Variants in HHLA1 observed in about 807,000 individuals in gnomAD.
HHLA1 encodes HHLA1 neighbor of OC90.
A neutral mutation model predicts 69.9 loss-of-function variants in HHLA1; 72 were observed. The observed-to-expected ratio is 1.03, with a 90% confidence interval of 0.85 to 1.25. The LOEUF is 1.25. Among genes scored for constraint, HHLA1 ranks in the 50% most tolerant of loss-of-function variants. The probability of loss-of-function intolerance (pLI) is 0.00; values close to 1 mark genes in which losing one functional copy is unlikely to be tolerated. For synonymous variants in HHLA1, 252 were observed against 233.2 expected (o/e 1.08, Z -0.73); for missense variants, 685 against 642.2 (o/e 1.07, Z -0.72).
chr8:132,105,242 A>G lies in HHLA1; in HGVS notation c.24T>C (p.Gly8=), dbSNP rs879199223. 6.4e-7 allele frequency: 1 copy of G among 1,552,184 alleles called. No individual in the cohort carries two copies. Among genetic ancestry groups the G allele is most frequent in the South Asian group, 1.2e-5 (1 of 84,050 alleles). Residue 8 remains glycine, a synonymous_variant, in exon 2 of 17, where the codon GGT becomes GGC. Coordinates refer to ENST00000414222, the MANE Select transcript of HHLA1 (RefSeq NM_001145095.3). Reference sequence around the variant, plus strand: ...GGCCCATGCACAGCTTCATTGAAGGACCACGTGACAGGAAGCCCAGCATGC... The same window carrying G: ...GGCCCATGCACAGCTTCATTGAAGGGCCACGTGACAGGAAGCCCAGCATGC... MLGFLSR[G]PSMKLCMGLA...
intron 10 of HHLA1, chr8:132,081,028 T>C (rs1334247726): frequency 6.6e-6 from 1 of 152,078 alleles, no homozygotes; most frequent in Non-Finnish European, 1.5e-5. Flanking sequence ...ACCTAGGACA[T>C]CTAATTAGAG....
intron 5 of HHLA1, 121 bp from the exon 6 acceptor site, chr8:132,095,907 G>A (rs376053607): frequency 1.4e-5 from 8 of 583,348 alleles, no homozygotes; most frequent in African/African-American, 7.5e-5. Context: ...TGAAAATAAA[G>A]AAACAAACAA....
At chr8:132,097,283 A>T (rs985443260) in intron 5 of HHLA1, among the ~76,000 whole-genome samples, 33 of 152,248 alleles carry the variant, frequency 2.2e-4, no homozygotes, top group Admixed American at 2.2e-3. Flanking sequence ...GATCAGCTGG[A>T]TCAGAATCTC....
intron 14 of HHLA1, among the ~76,000 whole-genome samples, chr8:132,073,987 C>A (rs570108734): frequency 4.3e-4 from 65 of 152,314 alleles, no homozygotes; most frequent in African/African-American, 1.0e-3. Context: ...GTCAGAGGAA[C>A]CTTTCTGCAA....
intron 3 of HHLA1, among the ~76,000 whole-genome samples, chr8:132,100,685 A>G (rs1824098169): frequency 6.6e-6 from 1 of 152,234 alleles, no homozygotes; most frequent in South Asian, 2.1e-4. Context: ...GTAAAGGGGA[A>G]TGAACCCGGT....
At chr8:132,087,785 T>C (rs910018906) in intron 9 of HHLA1, 46 bp from the exon 10 acceptor site, 15 of 1,543,198 alleles carry the variant, frequency 9.7e-6, no homozygotes, top group Non-Finnish European at 1.3e-5. Context: ...TTTCATCTGC[T>C]GGACAGTTTT....
rs112756397 is a variant in HHLA1 at position 132,074,013 on chromosome 8, A to G, written c.1315+2042T>C. On this transcript the variant is annotated intron_variant, in intron 14 of 16. Transcript: ENST00000414222. The stretch of plus-strand genomic sequence containing the variant: ...CTTTCTGCAACACAAATCTGATCAC[A>G]TTACTCCCACTTGCCTCAGAAGTCT... 2.7e-3 allele frequency among the ~76,000 whole-genome samples: 416 copies of G among 152,096 alleles called. 4 individuals are homozygous for G. The highest frequency in any genetic ancestry group is 9.6e-3 in the African/African-American group (398 of 41,514).
chr8:132,089,386 A>T (rs1364270890), intron 8 of HHLA1, 130 bp downstream of exon 8: 13 of 681,130 alleles, frequency 1.9e-5, no homozygotes, highest in Middle Eastern at 4.7e-4. Context: ...ATCTAAATAA[A>T]GATTACATGA....
intron 16 of HHLA1, among the ~76,000 whole-genome samples, chr8:132,065,643 G>A (rs1023918188): frequency 1.3e-5 from 2 of 152,180 alleles, no homozygotes; most frequent in Non-Finnish European, 2.9e-5. Flanking sequence ...CTGAGTTCAC[G>A]CAGAGAGCAA....
At position 132,061,605 on chromosome 8, in the gene HHLA1, A is replaced by G. The variant is rs1823353311; in HGVS notation, c.*2390T>C. On this transcript the variant is annotated 3_prime_UTR_variant, in exon 17 of 17. Coordinates refer to ENST00000414222, the MANE Select transcript of HHLA1 (RefSeq NM_001145095.3). ...ATCTGCTAACCACTGGTGGCCACATACATACACACTAATTAGTAGGAGTTC... is the reference window on the plus strand; with the variant it reads ...ATCTGCTAACCACTGGTGGCCACATGCATACACACTAATTAGTAGGAGTTC... The G allele has an allele frequency of 6.6e-6, 1 of 152,242 alleles. No homozygotes were observed. The highest frequency in any genetic ancestry group is 1.5e-5 in the Non-Finnish European group (1 of 68,098). 9.4% of individuals were successfully genotyped at this position (152,242 alleles called of 1,614,324 possible).
chr8:132,072,385 T>C (rs1467895257), intron 14 of HHLA1, among the ~76,000 whole-genome samples: 2 of 152,070 alleles, frequency 1.3e-5, no homozygotes, highest in Non-Finnish European at 2.9e-5. Context: ...ATATTGCATA[T>C]TGAAAAGTTG....
At chr8:132,106,953 G>C (rs1206600317) in intron 1 of HHLA1, among the ~76,000 whole-genome samples, 1 of 152,118 alleles carries the variant, frequency 6.6e-6, no homozygotes, top group East Asian at 1.9e-4. Context: ...TGTGTAGAAT[G>C]GACAGAGTCA....
intron 15 of HHLA1, chr8:132,069,526 A>C (rs1823495481): frequency 6.6e-6 from 1 of 152,214 alleles, no homozygotes. Flanking sequence ...GAACAAGCCC[A>C]AGCAAACAGG....
At position 132,071,365 on chromosome 8, in the gene HHLA1, T is replaced by C; in HGVS notation, c.1444A>G (p.Arg482Gly). Residue 482 changes from arginine (R) to glycine (G), a missense_variant, in exon 15 of 17, where the codon AGG becomes GGG. Physicochemically the swap from Arg to Gly is moderately radical, Grantham distance 125. Transcript: ENST00000414222. ...CTCATGTCCTCTGTCCTGGGACTCC[T>C]CTGGCTCATGCAGAGGCATTGCTGG... ...FFQQCLCMSQRSPRTEDMRYC... is the reference protein window; with the variant it reads ...FFQQCLCMSQGSPRTEDMRYC... 6.4e-7 allele frequency: 1 copy of C among 1,551,692 alleles called. No homozygotes were observed. The highest frequency in any genetic ancestry group is 8.7e-7 in the Non-Finnish European group (1 of 1,146,954).
chr8:132,098,933 C>G lies in HHLA1; in HGVS notation c.229G>C (p.Ala77Pro). ...ELPARSIDLS[A>P]LNLTELVNGM... The stretch of plus-strand genomic sequence containing the variant: ...TTCACAAGCTCTGTCAGGTTAAGCG[C>G]GGACAGATCGATTGACCTTGCGGGC... Residue 77 changes from alanine to proline, a missense_variant, in exon 5 of 17, where the codon GCG (alanine) becomes CCG (proline). Transcript: ENST00000414222. The G allele has an allele frequency of 6.4e-7, 1 of 1,551,222 alleles. No homozygotes were observed. The highest frequency in any genetic ancestry group is 2.0e-5 in the Admixed American group (1 of 50,984).
intron 10 of HHLA1, among the ~76,000 whole-genome samples, chr8:132,083,019 G>C (rs1349249743): frequency 1.3e-5 from 2 of 151,370 alleles, no homozygotes; most frequent in Non-Finnish European, 2.9e-5. Context: ...GTTTTAATGA[G>C]ATGGTAAGGG....
chr8:132,080,489 G>A (rs1196937202), intron 10 of HHLA1: 23 of 257,236 alleles, frequency 8.9e-5, no homozygotes, highest in Admixed American at 1.6e-4. Context: ...GAGCCAGGAA[G>A]AGGACTTTCA....
intron 16 of HHLA1, among the ~76,000 whole-genome samples, chr8:132,064,260 G>A (rs958737772): frequency 6.6e-6 from 1 of 152,192 alleles, no homozygotes; most frequent in Non-Finnish European, 1.5e-5. Context: ...GTGAGGAGCA[G>A]CCCGTATTTC....
At chr8:132,070,094 A>G (rs908238754) in intron 15 of HHLA1, 2 of 253,006 alleles carry the variant, frequency 7.9e-6, no homozygotes, top group Admixed American at 1.1e-4. Context: ...TCAGACTCAG[A>G]GGCAGAAATT....
Sources: gnomAD v4.1 joint callset for allele counts (sites outside exome capture counted in the v4.1 genomes callset) on GRCh38, gnomAD v4.1.1 for gene constraint, MANE v1.5 for transcripts, NCBI Gene and HGNC (gene_info 2026-07-23, HGNC 2026-07-21) for gene names.